Variants in CORIN observed in about 807,000 individuals in gnomAD.
CORIN encodes atrial natriuretic peptide-converting enzyme.
Under a neutral mutation model 125.3 loss-of-function variants are expected in CORIN, and 117 were observed. The ratio of observed to expected loss-of-function variants is 0.93; its 90% CI spans 0.80 to 1.09. The LOEUF is 1.09. Ranked by LOEUF, CORIN falls within the 50% of genes least tolerant of loss-of-function variation. The pLI, the probability that CORIN is intolerant of heterozygous loss-of-function variation, is 0.00. For synonymous variants in CORIN, 450 were observed against 466.4 expected, an observed-to-expected ratio of 0.96 and a Z score of 0.45; for missense variants, 1,253 against 1,306.7, an observed-to-expected ratio of 0.96 and a Z score of 0.63.
intron 5 of CORIN, among the ~76,000 whole-genome samples, chr4:47,705,849 C>T (rs1022041925): frequency 2.6e-5 from 4 of 151,952 alleles, no homozygotes; most frequent in African/African-American, 7.3e-5. Flanking sequence ...AAGTGCCCCC[C>T]GTGTGTAACA....
chr4:47,758,293 C>T (rs1729285393), intron 4 of CORIN, among the ~76,000 whole-genome samples: 2 of 151,610 alleles, frequency 1.3e-5, no homozygotes, highest in African/African-American at 4.9e-5. Context: ...AGTGAAAGAT[C>T]TCTACACAAA....
intron 6 of CORIN, among the ~76,000 whole-genome samples, chr4:47,684,282 C>T (rs28421839): frequency 0.05 from 7,541 of 152,158 alleles, 618 homozygotes; most frequent in African/African-American, 0.17. Flanking sequence ...TTATTATTTC[C>T]TTTCACATAA....
At chr4:47,662,850 T>G (rs754187394) in intron 11 of CORIN, among the ~76,000 whole-genome samples, 3 of 152,180 alleles carry the variant, frequency 2.0e-5, no homozygotes, top group Non-Finnish European at 2.9e-5. Context: ...GAGAAAGTTC[T>G]GTCTAGGTTT....
At chr4:47,668,464 G>C (rs1220836785) in intron 10 of CORIN, among the ~76,000 whole-genome samples, 2 of 152,072 alleles carry the variant, frequency 1.3e-5, no homozygotes, top group Non-Finnish European at 2.9e-5. Context: ...CCTTCAATTT[G>C]CTTTTGTTGC....
At position 47,693,384 on chromosome 4, in the gene CORIN, A is replaced by G. The variant is rs559864230; in HGVS notation, c.800-301T>C. 9.2e-5 allele frequency among the ~76,000 whole-genome samples: 14 copies of G among 152,312 alleles called. No homozygotes were observed. The South Asian group carries it at 2.9e-3, about 32-fold the overall frequency. On this transcript the variant is annotated intron_variant, in intron 5 of 21. Coordinates refer to ENST00000273857, the MANE Select transcript of CORIN (RefSeq NM_006587.4). ...AGAGGGTAGCTTCATCATTTGCACA[A>G]TTTATGTGGGGAGAATACCCAATGG...
At chr4:47,816,781 G>A (rs1732288083) in intron 1 of CORIN, among the ~76,000 whole-genome samples, 1 of 152,052 alleles carries the variant, frequency 6.6e-6, no homozygotes, top group African/African-American at 2.4e-5. Flanking sequence ...ACATATTGCA[G>A]GATATTTGGC....
Position 47,772,895 on chromosome 4 carries a change from C to A in CORIN, c.410-9309G>T, listed in dbSNP as rs535066711. ...CAGAAAGCTTTCATTCTGCTTTTTTCTTCTGGATTCTATAATGTATCCATT... is the reference window on the plus strand; with the variant it reads ...CAGAAAGCTTTCATTCTGCTTTTTTATTCTGGATTCTATAATGTATCCATT... On this transcript the variant is annotated intron_variant, in intron 3 of 21. Transcript: ENST00000273857. 2.8e-3 allele frequency among the ~76,000 whole-genome samples: 433 copies of A among 152,044 alleles called. 1 individual carries two copies. The highest frequency in any genetic ancestry group is 0.01 in the African/African-American group (423 of 41,490).
intron 6 of CORIN, among the ~76,000 whole-genome samples, chr4:47,691,574 A>C (rs1438906172): frequency 2.0e-5 from 3 of 152,248 alleles, no homozygotes; most frequent in Non-Finnish European, 2.9e-5. Flanking sequence ...TGCATGAATA[A>C]ATGAATAAAT....
intron 15 of CORIN, among the ~76,000 whole-genome samples, chr4:47,642,261 G>C (rs1723262109): frequency 2.0e-5 from 3 of 152,196 alleles, no homozygotes; most frequent in Admixed American, 1.3e-4. Context: ...TACCCTCAAA[G>C]AACCGTAGAC....
intron 5 of CORIN, among the ~76,000 whole-genome samples, chr4:47,714,059 G>A (rs190084574): frequency 7.2e-5 from 11 of 152,168 alleles, no homozygotes; most frequent in Admixed American, 7.2e-4. Flanking sequence ...AATGGAACTG[G>A]GTTCAAGCAC....
At chr4:47,733,169 C>T (rs1029391802) in intron 5 of CORIN, among the ~76,000 whole-genome samples, 10 of 152,292 alleles carry the variant, frequency 6.6e-5, no homozygotes, top group African/African-American at 2.2e-4. Context: ...ATCTGAAATA[C>T]ATTATCCCAT....
At chr4:47,800,278 ATAAT>A (rs933274734) in intron 2 of CORIN, among the ~76,000 whole-genome samples, 18 of 151,938 alleles carry the variant, frequency 1.2e-4, no homozygotes, top group African/African-American at 2.2e-4. Flanking sequence ...TAATTAACTA[ATAAT>A]TAATTAATTA....
At chr4:47,745,224 C>T (rs1229108665) in intron 4 of CORIN, among the ~76,000 whole-genome samples, 1 of 152,196 alleles carries the variant, frequency 6.6e-6, no homozygotes, top group Non-Finnish European at 1.5e-5. Context: ...ATTCACTTAA[C>T]ATGCCATGAA....
At chr4:47,795,846 C>T (rs538333968) in intron 2 of CORIN, among the ~76,000 whole-genome samples, 1 of 151,898 alleles carries the variant, frequency 6.6e-6, no homozygotes, top group African/African-American at 2.4e-5. Context: ...GAGCCAGTAG[C>T]CAGTAAGTAT....
chr4:47,725,867 A>C (rs1427407262), intron 5 of CORIN, among the ~76,000 whole-genome samples: 1 of 152,086 alleles, frequency 6.6e-6, no homozygotes, highest in Non-Finnish European at 1.5e-5. Flanking sequence ...TTGTACCCAG[A>C]ATATATAAAG....
At chr4:47,732,612 G>A (rs1727926523) in intron 5 of CORIN, among the ~76,000 whole-genome samples, 1 of 145,064 alleles carries the variant, frequency 6.9e-6, no homozygotes, top group Non-Finnish European at 1.5e-5. Context: ...CTCCCAGGCT[G>A]GAGTGCAGTG....
intron 5 of CORIN, among the ~76,000 whole-genome samples, chr4:47,733,774 G>A (rs113989317): frequency 3.9e-5 from 6 of 152,266 alleles, no homozygotes; most frequent in African/African-American, 1.4e-4. Context: ...TATCACTTTA[G>A]CACATTATTT....
chr4:47,777,379 T>C (rs573876148), intron 3 of CORIN, among the ~76,000 whole-genome samples: 14 of 152,308 alleles, frequency 9.2e-5, no homozygotes, highest in Admixed American at 6.5e-4. Context: ...ACGTCTGTAA[T>C]CCCAGCACTT....
chr4:47,800,323 G>A (rs886314685), intron 2 of CORIN, among the ~76,000 whole-genome samples: 13 of 152,004 alleles, frequency 8.6e-5, no homozygotes, highest in African/African-American at 3.1e-4. Context: ...TTAAAGCAAA[G>A]CATTCCTCCT....
Sources: gnomAD v4.1 joint callset for allele counts (sites outside exome capture counted in the v4.1 genomes callset) on GRCh38, gnomAD v4.1.1 for gene constraint, MANE v1.5 for transcripts, NCBI Gene and HGNC (gene_info 2026-07-23, HGNC 2026-07-21) for gene names.